The following DNASE1L3 variants were observed in gnomAD, a reference collection of about 807,000 sequenced individuals.
DNASE1L3 encodes deoxyribonuclease gamma.
Under a neutral mutation model 30.9 loss-of-function variants are expected in DNASE1L3, and 27 were observed. That is an observed-to-expected ratio of 0.87 (90% CI 0.64 to 1.20). DNASE1L3 has a LOEUF of 1.20. DNASE1L3 is among the 50% of genes most tolerant of loss of function. The probability of loss-of-function intolerance (pLI) is 0.00; values close to 1 mark genes in which losing one functional copy is unlikely to be tolerated. For synonymous variants in DNASE1L3, 135 were observed against 138.0 expected, an observed-to-expected ratio of 0.98 and a Z score of 0.15; for missense variants, 364 against 378.2, an observed-to-expected ratio of 0.96 and a Z score of 0.31.
chr3:58,206,232 C>G (rs1309918700), intron 2 of DNASE1L3, among the ~76,000 whole-genome samples: 2 of 152,222 alleles, frequency 1.3e-5, no homozygotes, highest in Non-Finnish European at 2.9e-5. Flanking sequence ...GATAACTCCA[C>G]TCTGGGCAGA....
intron 6 of DNASE1L3, among the ~76,000 whole-genome samples, chr3:58,195,716 G>A (rs1034114228): frequency 3.3e-5 from 5 of 151,402 alleles, no homozygotes; most frequent in African/African-American, 1.2e-4. Context: ...AACCCGGGAG[G>A]CGGAGGTTGC....
chr3:58,199,925 G>T (rs1465765770), intron 5 of DNASE1L3, among the ~76,000 whole-genome samples: 1 of 152,112 alleles, frequency 6.6e-6, no homozygotes, highest in Non-Finnish European at 1.5e-5. Context: ...CACTTTATTT[G>T]ATTCATTTTG....
chr3:58,206,450 C>T lies in DNASE1L3; in HGVS notation c.231-890G>A, dbSNP rs189443985. On this transcript the variant is annotated intron_variant, in intron 2 of 7. Coordinates refer to ENST00000394549, the MANE Select transcript of DNASE1L3 (RefSeq NM_004944.4). Reference sequence around the variant, plus strand: ...CAGGAGTGTGAACAGTAGGTTCTGCCGGGCTTCCACTTTGGGGAGACTGGC... The same window carrying T: ...CAGGAGTGTGAACAGTAGGTTCTGCTGGGCTTCCACTTTGGGGAGACTGGC... Among the ~76,000 whole-genome samples, 8 of 152,278 alleles carry T rather than the reference C, an allele frequency of 5.3e-5. No homozygotes were observed. The East Asian group carries it at 7.7e-4, about 15-fold the overall frequency.
At position 58,193,341 on chromosome 3, in the gene DNASE1L3, A is replaced by G; in HGVS notation, c.801+2T>C. 2 of 1,613,956 alleles carry G rather than the reference A, an allele frequency of 1.2e-6. No individual in the cohort carries two copies. The highest frequency in any genetic ancestry group is 8.5e-7 in the Non-Finnish European group (1 of 1,179,920). On this transcript the variant is annotated splice_donor_variant, in intron 7 of 7. Coordinates refer to ENST00000394549, the MANE Select transcript of DNASE1L3 (RefSeq NM_004944.4). LOFTEE classifies it high-confidence loss of function. The stretch of plus-strand genomic sequence containing the variant: ...CATAGAAAGACAAGATGGCAACCTT[A>G]CCTCCTCTTCAGTCAGCTTGTAAGC...
rs750960835 is a variant in DNASE1L3, at chr3:58,197,894, G to C, written c.631C>G (p.Pro211Ala). Residue 211 changes from proline (P) to alanine (A), a missense_variant, in exon 6 of 8, where the codon CCC becomes GCC. Coordinates refer to ENST00000394549, the MANE Select transcript of DNASE1L3 (RefSeq NM_004944.4). The surrounding 1 kb of genome is among the most constrained non-coding windows in gnomAD (Gnocchi z 5.3). ...AWKNIRLRTD[P>A]RFVWLIGDQE... is the part of the protein sequence containing the mutation. ...TCCCCGATCAGCCAAACAAACCTGGGGTCAGTCCTCAAGCGGATGTTCTTC... is the reference window on the plus strand; with the variant it reads ...TCCCCGATCAGCCAAACAAACCTGGCGTCAGTCCTCAAGCGGATGTTCTTC... 2.7e-5 allele frequency: 44 copies of C among 1,614,032 alleles called. No homozygotes were observed. Among genetic ancestry groups the C allele is most frequent in the Non-Finnish European group, 3.6e-5 (43 of 1,180,036 alleles).
At chr3:58,210,623 G>C (rs1467364158) in intron 1 of DNASE1L3, 143 bp downstream of exon 1, 12 of 1,259,264 alleles carry the variant, frequency 9.5e-6, no homozygotes, top group Admixed American at 2.0e-5. Flanking sequence ...GAGGTACAGA[G>C]AGTTGAAGTG....
At chr3:58,206,541 G>A (rs980584543) in intron 2 of DNASE1L3, among the ~76,000 whole-genome samples, 7 of 152,312 alleles carry the variant, frequency 4.6e-5, no homozygotes, top group Non-Finnish European at 7.4e-5. Flanking sequence ...CAGTTGCAAA[G>A]TGACTAAGGC....
rs1311126281 is a variant in DNASE1L3 at position 58,197,678 on chromosome 3, C to A, written c.704+143G>T. Reference sequence around the variant, plus strand: ...ATGTTGCCCAGGCTGGTCTCAAACTCCTGTACTCAAGCGATCCATCCATCG... The same window carrying A: ...ATGTTGCCCAGGCTGGTCTCAAACTACTGTACTCAAGCGATCCATCCATCG... On this transcript the variant is annotated intron_variant, in intron 6 of 7. Transcript: ENST00000394549. The surrounding 1 kb of genome is among the most constrained non-coding windows in gnomAD (Gnocchi z 5.3). 2 of 1,121,454 alleles carry A rather than the reference C, an allele frequency of 1.8e-6. No homozygotes were observed. The highest frequency in any genetic ancestry group is 3.1e-5 in the African/African-American group (2 of 64,322). The allele number at this position is 1,121,454 out of a possible 1,614,324, so 69.5% of individuals were successfully genotyped here. A position where few individuals can be genotyped will look rare whatever the true frequency, so the allele number is the denominator to read the frequency against.
At chr3:58,208,193 G>A in intron 2 of DNASE1L3, 25 bp downstream of exon 2, 1 of 1,611,830 alleles carries the variant, frequency 6.2e-7, no homozygotes, top group South Asian at 1.1e-5. Context: ...TTGAGCCCTA[G>A]AGGGCCCACC....
chr3:58,197,644 G>A lies in DNASE1L3; in HGVS notation c.704+177C>T, dbSNP rs1237936485. 6.6e-6 allele frequency among the ~76,000 whole-genome samples: 1 copy of A among 151,988 alleles called. No homozygotes were observed. Among genetic ancestry groups the A allele is most frequent in the African/African-American group, 2.4e-5 (1 of 41,368 alleles). ...ATTTTTGTATTTTTTGTAGAGACGG[G>A]GTTTCATCATGTTGCCCAGGCTGGT... On this transcript the variant is annotated intron_variant, in intron 6 of 7. Transcript: ENST00000394549. This position sits in a 1 kb window ranked among gnomAD's most constrained non-coding sequence, Gnocchi z 5.3.
Position 58,192,916 on chromosome 3 carries a change from C to A in DNASE1L3, c.802-113G>T. On this transcript the variant is annotated intron_variant, in intron 7 of 7. Coordinates refer to ENST00000394549, the MANE Select transcript of DNASE1L3 (RefSeq NM_004944.4). The surrounding 1 kb of genome is among the most constrained non-coding windows in gnomAD (Gnocchi z 4.8). ...GGAGGGGAGAGGAAATGCCCGAAGT[C>A]ACCCCACAGAACACTTACTGGTAAG... 3 of 1,507,638 alleles carry A rather than the reference C, an allele frequency of 2.0e-6. No individual in the cohort carries two copies. Among genetic ancestry groups the A allele is most frequent in the Non-Finnish European group, 2.6e-6 (3 of 1,135,074 alleles). 93.4% of individuals were successfully genotyped at this position (1,507,638 alleles called of 1,614,324 possible).
intron 4 of DNASE1L3, among the ~76,000 whole-genome samples, chr3:58,202,721 C>T (rs750006027): frequency 7.9e-5 from 12 of 151,834 alleles, no homozygotes; most frequent in Non-Finnish European, 1.2e-4. Flanking sequence ...GGGGTGGTGG[C>T]GCATGCCTGT....
chr3:58,202,143 G>T (rs571451046), intron 4 of DNASE1L3, among the ~76,000 whole-genome samples: 21 of 150,174 alleles, frequency 1.4e-4, no homozygotes, highest in Admixed American at 8.6e-4. Flanking sequence ...TTTTTTTAAA[G>T]GTTTCCTTTT....
chr3:58,192,339 C>A lies in DNASE1L3; in HGVS notation c.*348G>T. The A allele has an allele frequency of 5.5e-6, 1 of 181,786 alleles. No individual in the cohort carries two copies. Among genetic ancestry groups the A allele is most frequent in the Non-Finnish European group, 1.1e-5 (1 of 88,290 alleles). The allele number at this position is 181,786 out of a possible 1,614,324, so 11.3% of individuals were successfully genotyped here. ...TCTGGTCATTGCGTGTGGAACAGGA[C>A]CCCTCATGAGGACTGAAAGCTGACG... is the stretch of plus-strand genomic sequence containing the variant. On this transcript the variant is annotated 3_prime_UTR_variant, in exon 8 of 8. Transcript: ENST00000394549. The surrounding 1 kb of genome is among the most constrained non-coding windows in gnomAD (Gnocchi z 4.8).
intron 4 of DNASE1L3, 87 bp downstream of exon 4, chr3:58,204,682 C>A: frequency 1.8e-6 from 2 of 1,082,128 alleles, no homozygotes; most frequent in Non-Finnish European, 2.8e-6. Flanking sequence ...CAGCCTAATG[C>A]CTCCTTAATG....
rs1180402352 is a variant in DNASE1L3 at position 58,197,795 on chromosome 3, C to G, written c.704+26G>C. The G allele has an allele frequency of 6.2e-7, 1 of 1,612,772 alleles. No homozygotes were observed. The highest frequency in any genetic ancestry group is 8.5e-7 in the Non-Finnish European group (1 of 1,179,928). ...GTGCACACCAAGCACTGTGGTGAGC[C>G]AGCAGCACCCTGCAGGGCCTCCTAC... On this transcript the variant is annotated intron_variant, in intron 6 of 7. Transcript: ENST00000394549. The surrounding 1 kb of genome is among the most constrained non-coding windows in gnomAD (Gnocchi z 5.3).
At chr3:58,201,190 C>A in intron 4 of DNASE1L3, 81 bp from the exon 5 acceptor site, 4 of 1,067,834 alleles carry the variant, frequency 3.7e-6, no homozygotes, top group Non-Finnish European at 5.4e-6. Context: ...AACCAGCTGT[C>A]CCCTCCAGAA....
Position 58,201,048 on chromosome 3 carries a change from G to T in DNASE1L3, c.495C>A (p.Ile165=). The T allele has an allele frequency of 6.2e-7, 1 of 1,613,042 alleles. No individual in the cohort carries two copies. Among genetic ancestry groups the T allele is most frequent in the Non-Finnish European group, 8.5e-7 (1 of 1,179,448 alleles). The change falls in exon 5 of 8, where the codon ATC becomes ATA. Residue 165 remains isoleucine (I), a synonymous_variant. Coordinates refer to ENST00000394549, the MANE Select transcript of DNASE1L3 (RefSeq NM_004944.4). ...CCGTGTAGACCTCAACCAACTCATCGATCTCCTTAACGGATGTCTCTGGGG... is the reference window on the plus strand; with the variant it reads ...CCGTGTAGACCTCAACCAACTCATCTATCTCCTTAACGGATGTCTCTGGGG... ...HTTPETSVKE[I]DELVEVYTDV...
chr3:58,198,158 C>T (rs180832199), intron 5 of DNASE1L3, among the ~76,000 whole-genome samples, 180 bp from the exon 6 acceptor site: 2 of 152,312 alleles, frequency 1.3e-5, no homozygotes, highest in Admixed American at 6.5e-5. Context: ...TTCTAACCCC[C>T]AGCACCTTAG....
Sources: allele counts gnomAD v4.1 joint callset (sites outside exome capture counted in the v4.1 genomes callset), GRCh38; gene constraint gnomAD v4.1.1; non-coding constraint Gnocchi (gnomAD v3.1); transcripts MANE v1.5; gene names NCBI Gene and HGNC (gene_info 2026-07-23, HGNC 2026-07-21).